Variants in EGFLAM observed in about 807,000 individuals in gnomAD.
EGFLAM encodes the protein pikachurin.
In EGFLAM, 79 loss-of-function variants were observed where a neutral mutation model predicts 113.1. The observed-to-expected ratio is 0.70, with a 90% confidence interval of 0.58 to 0.84. The LOEUF (loss-of-function observed/expected upper bound fraction) is 0.84. EGFLAM is among the 40% of genes least tolerant of loss of function. The pLI, the probability that EGFLAM is intolerant of heterozygous loss-of-function variation, is 0.00. For missense variants in EGFLAM, 1,265 were observed against 1,291.6 expected, an observed-to-expected ratio of 0.98 and a Z score of 0.32; for synonymous variants, 504 against 487.6, an observed-to-expected ratio of 1.03 and a Z score of -0.44.
chr5:38,397,619 G>T (rs918795677), intron 6 of EGFLAM, among the ~76,000 whole-genome samples: 1 of 151,676 alleles, frequency 6.6e-6, no homozygotes, highest in Admixed American at 6.6e-5. Flanking sequence ...CTAAGATAGG[G>T]TCTACCTGAG....
intron 16 of EGFLAM, among the ~76,000 whole-genome samples, chr5:38,437,413 G>A (rs910085235): frequency 6.6e-6 from 1 of 152,116 alleles, no homozygotes; most frequent in African/African-American, 2.4e-5. Context: ...ACTAGGAAGT[G>A]TCTCTGGATT....
intron 1 of EGFLAM, among the ~76,000 whole-genome samples, chr5:38,292,417 T>C (rs748121609): frequency 2.0e-5 from 3 of 152,182 alleles, no homozygotes; most frequent in Non-Finnish European, 2.9e-5. Context: ...AAGGAAAACA[T>C]TGAAAAAGTT....
intron 1 of EGFLAM, among the ~76,000 whole-genome samples, chr5:38,276,347 A>G (rs1757883515): frequency 2.0e-5 from 3 of 152,214 alleles, no homozygotes; most frequent in Admixed American, 2.0e-4. Context: ...GGCCAAACCA[A>G]TCAGATAAAT....
intron 12 of EGFLAM, among the ~76,000 whole-genome samples, chr5:38,420,980 G>T (rs1254427537): frequency 1.3e-5 from 2 of 152,180 alleles, no homozygotes; most frequent in African/African-American, 4.8e-5. Flanking sequence ...TTCCCCCGGG[G>T]TTATAAGAGT....
chr5:38,304,261 A>G (rs80234224), intron 1 of EGFLAM, among the ~76,000 whole-genome samples: 2,168 of 152,330 alleles, frequency 0.014, 44 homozygotes, highest in African/African-American at 0.048. Flanking sequence ...GAAGTAGAAG[A>G]TAAAAGAGAA....
At chr5:38,387,145 C>A (rs763410064) in intron 6 of EGFLAM, among the ~76,000 whole-genome samples, 4 of 151,838 alleles carry the variant, frequency 2.6e-5, no homozygotes, top group Non-Finnish European at 5.9e-5. Context: ...TGGAGAATAG[C>A]CACAGATATT....
intron 1 of EGFLAM, among the ~76,000 whole-genome samples, chr5:38,281,955 T>G (rs1758031968): frequency 6.6e-6 from 1 of 152,194 alleles, no homozygotes; most frequent in South Asian, 2.1e-4. Context: ...GGGAAGATAA[T>G]TCTTCATCTC....
Position 38,350,634 on chromosome 5 carries a change from A to C in EGFLAM, c.409+16A>C. 6.2e-7 allele frequency: 1 copy of C among 1,608,816 alleles called. No individual in the cohort carries two copies. The highest frequency in any genetic ancestry group is 8.5e-7 in the Non-Finnish European group (1 of 1,176,206). On this transcript the variant is annotated intron_variant, in intron 4 of 21. Transcript: ENST00000322350. ...TTGTCCCAAGGTAAAGTAGGTTCAA[A>C]TTCATTAATAGGTGGCAGGCTGCTA...
intron 6 of EGFLAM, among the ~76,000 whole-genome samples, chr5:38,393,492 A>C (rs2112092303): frequency 6.6e-6 from 1 of 152,210 alleles, no homozygotes; most frequent in East Asian, 1.9e-4. Context: ...AGGCACCAGA[A>C]GTTCTTTATA....
At chr5:38,350,838 T>C (rs1739602275) in intron 4 of EGFLAM, among the ~76,000 whole-genome samples, 1 of 152,122 alleles carries the variant, frequency 6.6e-6, no homozygotes, top group African/African-American at 2.4e-5. Context: ...TGATAGATGC[T>C]CCAGCACTGT....
intron 2 of EGFLAM, among the ~76,000 whole-genome samples, chr5:38,337,941 C>T (rs892372098): frequency 7.9e-5 from 12 of 151,952 alleles, no homozygotes; most frequent in Non-Finnish European, 1.2e-4. Context: ...AGTAGGAACA[C>T]GGGAAACAGG....
intron 19 of EGFLAM, among the ~76,000 whole-genome samples, chr5:38,457,273 T>C (rs563143967): frequency 6.6e-6 from 1 of 152,356 alleles, no homozygotes; most frequent in South Asian, 2.1e-4. Context: ...CTTAGGGCTC[T>C]GATAATACAT....
intron 1 of EGFLAM, among the ~76,000 whole-genome samples, chr5:38,265,159 C>T (rs1231501258): frequency 6.6e-6 from 1 of 152,130 alleles, no homozygotes; most frequent in Non-Finnish European, 1.5e-5. Context: ...GCTTTTTGTT[C>T]TTCTTACCCA....
intron 5 of EGFLAM, among the ~76,000 whole-genome samples, chr5:38,355,999 A>G (rs764827539): frequency 6.6e-6 from 1 of 152,182 alleles, no homozygotes; most frequent in Non-Finnish European, 1.5e-5. Context: ...ACCTCAAGTG[A>G]TCCACCTGCC....
At position 38,408,932 on chromosome 5, in the gene EGFLAM, G is replaced by A. The variant is rs1741380230; in HGVS notation, c.1249-72G>A. ...GAAAATGCTCAAGTTTCACATTTGT[G>A]TCTTTCCAGGTGGTGCCTTAAGGAA... On this transcript the variant is annotated intron_variant, in intron 9 of 21. Coordinates refer to ENST00000322350, the MANE Select transcript of EGFLAM (RefSeq NM_152403.4). 7 of 1,283,444 alleles carry A rather than the reference G, an allele frequency of 5.5e-6. No homozygotes were observed. The South Asian group carries it at 6.3e-5, about 12-fold the overall frequency. 79.5% of individuals were successfully genotyped at this position (1,283,444 alleles called of 1,614,324 possible).
intron 1 of EGFLAM, among the ~76,000 whole-genome samples, chr5:38,295,690 T>C (rs887314041): frequency 6.6e-6 from 1 of 152,182 alleles, no homozygotes; most frequent in African/African-American, 2.4e-5. Context: ...GTAATAACAA[T>C]AAAGTAAGAT....
intron 1 of EGFLAM, among the ~76,000 whole-genome samples, chr5:38,299,411 A>G (rs1008114300): frequency 1.3e-5 from 2 of 152,314 alleles, no homozygotes; most frequent in East Asian, 3.9e-4. Flanking sequence ...AGGCTTGGCT[A>G]TGGCGTGTGT....
At chr5:38,388,559 C>T (rs1221105636) in intron 6 of EGFLAM, among the ~76,000 whole-genome samples, 1 of 151,902 alleles carries the variant, frequency 6.6e-6, no homozygotes, top group African/African-American at 2.4e-5. Context: ...GCCTGGCCAA[C>T]ATGGTGAAAG....
intron 5 of EGFLAM, among the ~76,000 whole-genome samples, chr5:38,365,392 G>A (rs1740033494): frequency 1.3e-5 from 2 of 152,210 alleles, no homozygotes; most frequent in Non-Finnish European, 1.5e-5. Flanking sequence ...TCTGATATGT[G>A]ATGAATCCAG....
Sources: gnomAD v4.1 joint callset for allele counts (sites outside exome capture counted in the v4.1 genomes callset) on GRCh38, gnomAD v4.1.1 for gene constraint, MANE v1.5 for transcripts, NCBI Gene and HGNC (gene_info 2026-07-23, HGNC 2026-07-21) for gene names.